C12orf54: variants seen among roughly 807,000 people sequenced by gnomAD.
C12orf54 encodes the protein uncharacterized protein C12orf54.
A neutral mutation model predicts 26.4 loss-of-function variants in C12orf54; 24 were observed. That is an observed-to-expected ratio of 0.91 (90% confidence interval 0.66 to 1.28). The LOEUF (loss-of-function observed/expected upper bound fraction) is 1.28. Among genes scored for constraint, C12orf54 ranks in the 50% most tolerant of loss-of-function variants. The pLI is 0.00. For synonymous variants in C12orf54, 54 were observed against 47.0 expected, an observed-to-expected ratio of 1.15 and a Z score of -0.61; for missense variants, 154 against 150.9, an observed-to-expected ratio of 1.02 and a Z score of -0.11.
chr12:48,443,139 GA>G, the C12orf54 span, among the ~76,000 whole-genome samples: 1 of 152,138 alleles, frequency 6.6e-6, no homozygotes, highest in African/African-American at 2.4e-5. Context: ...TTTTCTGCAA[GA>G]CCCCAACCTT....
At chr12:48,421,019 A>G in the C12orf54 span, among the ~76,000 whole-genome samples, 5 of 152,156 alleles carry the variant, frequency 3.3e-5, no homozygotes, top group Non-Finnish European at 5.9e-5. Flanking sequence ...TTTTAACCTC[A>G]TATTCTACTC....
upstream of C12orf54, among the ~76,000 whole-genome samples, chr12:48,480,928 A>G (rs567458681): frequency 6.7e-6 from 1 of 149,050 alleles, no homozygotes; most frequent in South Asian, 2.1e-4. Context: ...ACATGGATGT[A>G]GATGGAGGTC....
upstream of C12orf54, among the ~76,000 whole-genome samples, chr12:48,477,998 A>G (rs1259372674): frequency 3.9e-5 from 6 of 152,252 alleles, no homozygotes; most frequent in Admixed American, 2.0e-4. Flanking sequence ...AAAATCCTCA[A>G]TAAAATACTG....
At chr12:48,435,492 T>C in the C12orf54 span, among the ~76,000 whole-genome samples, 1 of 151,926 alleles carries the variant, frequency 6.6e-6, no homozygotes, top group Admixed American at 6.6e-5. Context: ...AAGGAAAAAA[T>C]GTTAAGAGCA....
chr12:48,490,131 G>T (rs1241976195), intron 5 of C12orf54, among the ~76,000 whole-genome samples: 1 of 152,198 alleles, frequency 6.6e-6, no homozygotes, highest in African/African-American at 2.4e-5. Context: ...ATAGCAGAGG[G>T]CCAGAGGGCC....
chr12:48,461,710 A>G, the C12orf54 span, among the ~76,000 whole-genome samples: 4 of 151,814 alleles, frequency 2.6e-5, no homozygotes, highest in African/African-American at 9.7e-5. Flanking sequence ...ATATTTTGAA[A>G]CTTGTGAGAT....
chr12:48,435,843 G>A, the C12orf54 span, among the ~76,000 whole-genome samples: 1 of 152,156 alleles, frequency 6.6e-6, no homozygotes, highest in Non-Finnish European at 1.5e-5. Context: ...GGAAGAAACT[G>A]CATCAACTAA....
At chr12:48,484,920 A>G (rs868848196) in intron 2 of C12orf54, among the ~76,000 whole-genome samples, 15 of 152,300 alleles carry the variant, frequency 9.8e-5, no homozygotes, top group Middle Eastern at 3.4e-3. Context: ...ATTTGCAATG[A>G]GTAGTAGCTC....
upstream of C12orf54, among the ~76,000 whole-genome samples, chr12:48,478,214 C>A (rs571455038): frequency 6.6e-6 from 1 of 152,288 alleles, no homozygotes; most frequent in East Asian, 1.9e-4. Context: ...ATGCTAAAAA[C>A]TCTCAATAAA....
At chr12:48,452,358 G>T in the C12orf54 span, among the ~76,000 whole-genome samples, 5 of 152,140 alleles carry the variant, frequency 3.3e-5, no homozygotes, top group African/African-American at 4.8e-5. Flanking sequence ...AGATTTAAAT[G>T]TGAAACCCAA....
chr12:48,494,959 G>C lies in C12orf54; in HGVS notation c.*20G>C. 6.2e-7 allele frequency: 1 copy of C among 1,610,096 alleles called. No homozygotes were observed. The highest frequency in any genetic ancestry group is 8.5e-7 in the Non-Finnish European group (1 of 1,176,838). On this transcript the variant is annotated 3_prime_UTR_variant, in exon 8 of 9. Coordinates refer to ENST00000548364, the MANE Select transcript of C12orf54 (RefSeq NM_152319.4). ...CCCTAACTCTACAATCAAGGAAGAA[G>C]GACATCTCTGCTTCCGCCAGGTGCT...
the C12orf54 span, among the ~76,000 whole-genome samples, chr12:48,428,783 C>T: frequency 6.6e-6 from 1 of 151,952 alleles, no homozygotes; most frequent in African/African-American, 2.4e-5. Context: ...TTCCACAAGA[C>T]AGAGAAAGAG....
chr12:48,434,609 T>G, the C12orf54 span, among the ~76,000 whole-genome samples: 1 of 152,112 alleles, frequency 6.6e-6, no homozygotes, highest in African/African-American at 2.4e-5. Context: ...TTCACCAATA[T>G]CCACTGTTCT....
chr12:48,445,373 G>GC, the C12orf54 span, among the ~76,000 whole-genome samples: 772 of 152,108 alleles, frequency 5.1e-3, 14 homozygotes, highest in African/African-American at 0.018. Context: ...GGACAGGTTT[G>GC]CCCCAAAGCA....
chr12:48,471,685 C>A, the C12orf54 span, among the ~76,000 whole-genome samples: 1 of 152,160 alleles, frequency 6.6e-6, no homozygotes, highest in Non-Finnish European at 1.5e-5. Flanking sequence ...AGTTTCTATT[C>A]TGTTCCATTT....
the C12orf54 span, among the ~76,000 whole-genome samples, chr12:48,437,084 A>G: frequency 6.6e-6 from 1 of 152,244 alleles, no homozygotes. Context: ...CACCGATCCC[A>G]CAGAAATACA....
intron 5 of C12orf54, 123 bp from the exon 6 acceptor site, chr12:48,490,689 C>A: frequency 1.8e-6 from 2 of 1,100,026 alleles, no homozygotes; most frequent in Non-Finnish European, 2.7e-6. Context: ...AGTTCCATGT[C>A]CAAGAAGCCC....
chr12:48,454,167 A>G, the C12orf54 span, among the ~76,000 whole-genome samples: 6 of 140,362 alleles, frequency 4.3e-5, no homozygotes, highest in Non-Finnish European at 6.0e-5. Flanking sequence ...GTGCGATCTC[A>G]GCTCACTGCA....
At chr12:48,456,874 C>T in the C12orf54 span, among the ~76,000 whole-genome samples, 1 of 152,080 alleles carries the variant, frequency 6.6e-6, no homozygotes, top group African/African-American at 2.4e-5. Flanking sequence ...ATCTCAGAAA[C>T]ACCAAAGTAC....
Sources: gnomAD v4.1 joint callset for allele counts (sites outside exome capture counted in the v4.1 genomes callset) on GRCh38, gnomAD v4.1.1 for gene constraint, MANE v1.5 for transcripts, NCBI Gene and HGNC (gene_info 2026-07-23, HGNC 2026-07-21) for gene names.